Variants in CDH13 observed in about 807,000 individuals in gnomAD.
CDH13 encodes the protein cadherin 13.
Under a neutral mutation model 63.8 loss-of-function variants are expected in CDH13, and 24 were observed. The observed-to-expected ratio is 0.38, with a 90% CI of 0.27 to 0.53. The LOEUF is 0.53. CDH13 is among the 20% of genes least tolerant of loss of function. The pLI, the probability that CDH13 is intolerant of heterozygous loss-of-function variation, is 0.85. For missense variants in CDH13, 1,049 were observed against 903.1 expected (o/e 1.16, Z -2.07); for synonymous variants, 503 against 355.3 (o/e 1.42, Z -4.67).
At chr16:83,063,066 A>T (rs1014522131) in intron 3 of CDH13, among the ~76,000 whole-genome samples, 2 of 149,980 alleles carry the variant, frequency 1.3e-5, no homozygotes, top group African/African-American at 2.5e-5. Context: ...GGTTCAAGTG[A>T]GTCTCCTGCA....
At chr16:83,566,301 C>T (rs1181073015) in intron 7 of CDH13, among the ~76,000 whole-genome samples, 5 of 152,184 alleles carry the variant, frequency 3.3e-5, no homozygotes, top group African/African-American at 4.8e-5. Flanking sequence ...CTTTAACTTG[C>T]ACCTCAATGC....
intron 5 of CDH13, among the ~76,000 whole-genome samples, 195 bp from the exon 6 acceptor site, chr16:83,344,667 A>G (rs2090799461): frequency 6.6e-6 from 1 of 152,176 alleles, no homozygotes. Context: ...ATCTAAAGTG[A>G]ACTGATCTTT....
intron 1 of CDH13, among the ~76,000 whole-genome samples, chr16:82,668,461 CA>C (rs1317336556): frequency 9.2e-5 from 14 of 152,054 alleles, no homozygotes; most frequent in Non-Finnish European, 1.5e-4. Flanking sequence ...AAAGGGGGGA[CA>C]GTTATAATAT....
intron 5 of CDH13, among the ~76,000 whole-genome samples, chr16:83,273,526 A>C (rs2088890336): frequency 6.6e-6 from 1 of 152,138 alleles, no homozygotes; most frequent in Non-Finnish European, 1.5e-5. Context: ...CACACCATGG[A>C]ATACTATGAA....
chr16:83,318,169 C>G (rs1208430985), intron 5 of CDH13, among the ~76,000 whole-genome samples: 3 of 152,182 alleles, frequency 2.0e-5, no homozygotes, highest in Non-Finnish European at 4.4e-5. Flanking sequence ...TAAGCTTAAG[C>G]TGCTGCTGCT....
chr16:82,797,608 C>T (rs143346933), intron 1 of CDH13, among the ~76,000 whole-genome samples: 3 of 152,174 alleles, frequency 2.0e-5, no homozygotes, highest in Admixed American at 2.0e-4. Flanking sequence ...ACTTCCTCCA[C>T]TCCATGCAAA....
At chr16:82,847,663 C>G (rs982487875) in intron 1 of CDH13, among the ~76,000 whole-genome samples, 3 of 152,154 alleles carry the variant, frequency 2.0e-5, no homozygotes, top group African/African-American at 7.2e-5. Flanking sequence ...ATTCACAGGT[C>G]CTGGGGAGTA....
intron 10 of CDH13, among the ~76,000 whole-genome samples, chr16:83,699,180 C>T (rs576515102): frequency 2.2e-4 from 34 of 152,350 alleles, no homozygotes; most frequent in African/African-American, 7.5e-4. Flanking sequence ...GTGAAACATG[C>T]TAACCAGATG....
At chr16:83,495,360 T>G (rs72791418) in intron 7 of CDH13, among the ~76,000 whole-genome samples, 3,025 of 152,252 alleles carry the variant, frequency 0.02, 51 homozygotes, top group Non-Finnish European at 0.029. Flanking sequence ...TTTAAAGACC[T>G]GGAATCAATA....
At chr16:83,205,675 G>A (rs2039162453) in intron 4 of CDH13, among the ~76,000 whole-genome samples, 1 of 147,598 alleles carries the variant, frequency 6.8e-6, no homozygotes, top group Admixed American at 6.9e-5. Context: ...CGTGATCTTG[G>A]CTCACTGCAA....
chr16:83,367,571 A>G (rs1431769801), intron 6 of CDH13, among the ~76,000 whole-genome samples: 1 of 152,184 alleles, frequency 6.6e-6, no homozygotes, highest in Admixed American at 6.5e-5. Flanking sequence ...AAACTGGCAG[A>G]CTGTGTTTCA....
intron 5 of CDH13, among the ~76,000 whole-genome samples, chr16:83,261,617 A>C (rs574627102): frequency 6.6e-6 from 1 of 152,220 alleles, no homozygotes; most frequent in East Asian, 1.9e-4. Context: ...CATGACAAAG[A>C]AATTATCCAG....
chr16:83,420,065 G>C (rs889606445), intron 6 of CDH13, among the ~76,000 whole-genome samples: 5 of 151,840 alleles, frequency 3.3e-5, no homozygotes, highest in African/African-American at 9.7e-5. Context: ...TTTAAATAGA[G>C]GGCAAAGAAT....
At chr16:82,807,973 G>C (rs898058979) in intron 1 of CDH13, among the ~76,000 whole-genome samples, 2 of 152,108 alleles carry the variant, frequency 1.3e-5, no homozygotes, top group African/African-American at 4.8e-5. Context: ...TTATTAACGA[G>C]AGACAGAATA....
chr16:82,737,681 T>C (rs1453537611), intron 1 of CDH13, among the ~76,000 whole-genome samples: 1 of 152,234 alleles, frequency 6.6e-6, no homozygotes, highest in Non-Finnish European at 1.5e-5. Flanking sequence ...AGATTTGGCC[T>C]GGCAGAACCT....
chr16:82,885,768 A>T (rs759975041), intron 2 of CDH13, among the ~76,000 whole-genome samples: 1 of 152,158 alleles, frequency 6.6e-6, no homozygotes, highest in African/African-American at 2.4e-5. Context: ...TGCACTTTCT[A>T]TGTAACCTTG....
At position 83,108,683 on chromosome 16, in the gene CDH13, A is replaced by G. The variant is rs113385043; in HGVS notation, c.367-16702A>G. ...CAGCCTTCAGGCTATTTTAGGCTCGAAGGCAGGGTTTTGCTGGGGACCCTT... is the reference window on the plus strand; with the variant it reads ...CAGCCTTCAGGCTATTTTAGGCTCGGAGGCAGGGTTTTGCTGGGGACCCTT... On this transcript the variant is annotated intron_variant, in intron 3 of 13. Transcript: ENST00000567109. 3.8e-4 allele frequency among the ~76,000 whole-genome samples: 58 copies of G among 152,250 alleles called. 1 individual carries two copies. Among genetic ancestry groups the G allele is most frequent in the African/African-American group, 1.3e-3 (56 of 41,562 alleles).
intron 4 of CDH13, among the ~76,000 whole-genome samples, chr16:83,187,602 G>A (rs1050672644): frequency 2.6e-5 from 4 of 151,938 alleles, no homozygotes; most frequent in Non-Finnish European, 4.4e-5. Context: ...TTTGCAACCC[G>A]CAGCTCTGGA....
chr16:83,100,828 T>C (rs1470542889), intron 3 of CDH13, among the ~76,000 whole-genome samples: 1 of 152,138 alleles, frequency 6.6e-6, no homozygotes, highest in African/African-American at 2.4e-5. Flanking sequence ...CAGGGTAAAT[T>C]TCAGCCCTCA....
Sources: allele counts gnomAD v4.1 joint callset (sites outside exome capture counted in the v4.1 genomes callset), GRCh38; gene constraint gnomAD v4.1.1; transcripts MANE v1.5; gene names NCBI Gene and HGNC (gene_info 2026-07-23, HGNC 2026-07-21).